The following AGBL3 variants were observed in gnomAD, a reference collection of about 807,000 sequenced individuals.
The protein encoded by AGBL3 is AGBL carboxypeptidase 3, also known as cytosolic carboxypeptidase 3.
A neutral mutation model predicts 94.5 loss-of-function variants in AGBL3; 68 were observed. The ratio of observed to expected loss-of-function variants is 0.72; its 90% CI spans 0.59 to 0.88. The LOEUF is 0.88. Ranked by LOEUF, AGBL3 falls within the 40% of genes least tolerant of loss-of-function variation. AGBL3 has a pLI of 0.00. For missense variants in AGBL3, 934 were observed against 1,103.8 expected (o/e 0.85, Z 2.18); for synonymous variants, 354 against 370.7 (o/e 0.95, Z 0.52).
At chr7:135,076,369 T>C (rs1820450528) in intron 12 of AGBL3, 28 bp from the exon 13 acceptor site, 4 of 1,437,806 alleles carry the variant, frequency 2.8e-6, no homozygotes, top group South Asian at 2.5e-5. Flanking sequence ...TGATTAAATA[T>C]TGATTTTAAG....
chr7:135,042,635 C>T (rs1816964593), intron 8 of AGBL3, among the ~76,000 whole-genome samples: 1 of 152,048 alleles, frequency 6.6e-6, no homozygotes, highest in African/African-American at 2.4e-5. Context: ...TGAGGCTGGG[C>T]ACAGTGGCCC....
intron 11 of AGBL3, among the ~76,000 whole-genome samples, chr7:135,056,274 T>G (rs186333895): frequency 2.2e-3 from 329 of 152,234 alleles, no homozygotes; most frequent in African/African-American, 7.3e-3. Flanking sequence ...ACTTCTTTTT[T>G]TCTGCTTGCA....
intron 12 of AGBL3, among the ~76,000 whole-genome samples, chr7:135,067,564 C>G (rs1240871504): frequency 6.6e-6 from 1 of 152,208 alleles, no homozygotes; most frequent in East Asian, 1.9e-4. Context: ...AATCAGGCAG[C>G]AGCATTTGCT....
At chr7:135,039,078 A>G (rs947363870) in intron 8 of AGBL3, among the ~76,000 whole-genome samples, 1 of 152,248 alleles carries the variant, frequency 6.6e-6, no homozygotes, top group Non-Finnish European at 1.5e-5. Flanking sequence ...ACTGGATTTG[A>G]CATTTATAGG....
At position 135,034,303 on chromosome 7, in the gene AGBL3, G is replaced by C. The variant is rs769446728; in HGVS notation, c.712G>C (p.Gly238Arg). ...CAAACCTGCTAGTCTTTACAGTCGG[G>C]GTATGCGCCCACTGTTCTATTCTGA... is the stretch of plus-strand genomic sequence containing the variant. ...FTKPASLYSR[G>R]MRPLFYSEKE... is the part of the protein sequence containing the mutation. The change falls in exon 7 of 17, where the codon GGT (glycine) becomes CGT (arginine). Residue 238 changes from glycine (G) to arginine (R), a missense_variant. Transcript: ENST00000436302. 6.4e-7 allele frequency: 1 copy of C among 1,551,688 alleles called. No homozygotes were observed. The highest frequency in any genetic ancestry group is 1.2e-5 in the South Asian group (1 of 84,058).
rs910890257 is a variant in AGBL3 at position 135,077,137 on chromosome 7, A to G, written c.1980+669A>G. Reference sequence around the variant, plus strand: ...CTCTCCCCAGAGCTACCAAAGGGCTATCCCAGGAGGGGGAGGATATCAGTA... The same window carrying G: ...CTCTCCCCAGAGCTACCAAAGGGCTGTCCCAGGAGGGGGAGGATATCAGTA... On this transcript the variant is annotated intron_variant, in intron 13 of 16. Transcript: ENST00000436302. Among the ~76,000 whole-genome samples the G allele has an allele frequency of 5.3e-5, 8 of 151,362 alleles. 1 individual carries two copies. The highest frequency in any genetic ancestry group is 1.9e-4 in the African/African-American group (8 of 41,208).
chr7:135,051,885 T>C (rs1253220131), intron 11 of AGBL3, among the ~76,000 whole-genome samples: 1 of 152,138 alleles, frequency 6.6e-6, no homozygotes, highest in Non-Finnish European at 1.5e-5. Flanking sequence ...TTAAGCTTAG[T>C]ATAAAGTATT....
At chr7:135,093,320 T>C (rs1822148514) in intron 15 of AGBL3, 1 of 151,956 alleles carries the variant, frequency 6.6e-6, no homozygotes, top group African/African-American at 2.4e-5. Flanking sequence ...CACGCCACAC[T>C]ATTAGCACTA....
intron 15 of AGBL3, among the ~76,000 whole-genome samples, chr7:135,096,792 A>AAAGAAAGG (rs1458228094): frequency 4.0e-5 from 6 of 151,734 alleles, no homozygotes; most frequent in South Asian, 4.2e-4. Context: ...AGAAAGAAAG[A>AAAGAAAGG]AAAAGGGAAG....
chr7:135,128,443 A>C (rs1308693539), intron 16 of AGBL3: 1 of 715,416 alleles, frequency 1.4e-6, no homozygotes, highest in Non-Finnish European at 2.6e-6. Flanking sequence ...AGAAAATTAA[A>C]TGTCAGAAGA....
Position 135,115,376 on chromosome 7 carries a change from C to T in AGBL3, c.2111-4C>T. ...CTGTACATATTTTTGTGGTTGCTCC[C>T]CAGATCTGCACCACAACTTAAAAAG... On this transcript the variant is annotated splice_region_variant and splice_polypyrimidine_tract_variant and intron_variant, in intron 15 of 16. Coordinates refer to ENST00000436302, the MANE Select transcript of AGBL3 (RefSeq NM_178563.4). 1 of 1,543,958 alleles carries T rather than the reference C, an allele frequency of 6.5e-7. No individual in the cohort carries two copies. The highest frequency in any genetic ancestry group is 8.8e-7 in the Non-Finnish European group (1 of 1,141,590).
At chr7:134,995,495 G>T (rs1344512430) in intron 4 of AGBL3, 2 of 152,186 alleles carry the variant, frequency 1.3e-5, no homozygotes, top group Admixed American at 1.3e-4. Context: ...TGGTTGCTTG[G>T]TAATCCCCCA....
intron 15 of AGBL3, among the ~76,000 whole-genome samples, chr7:135,111,699 C>A (rs1043959503): frequency 3.3e-5 from 5 of 152,126 alleles, no homozygotes; most frequent in African/African-American, 1.2e-4. Flanking sequence ...ATTCATGAAA[C>A]GTGTTGAAAT....
Position 135,017,032 on chromosome 7 carries a change from T to C in AGBL3, c.311-20T>C. ...TTATTTTGAAGTCATCTTCAAATAATGTTTCACTTTTTTTTCCAGATTGGA... is the reference window on the plus strand; with the variant it reads ...TTATTTTGAAGTCATCTTCAAATAACGTTTCACTTTTTTTTCCAGATTGGA... On this transcript the variant is annotated intron_variant, in intron 4 of 16. Coordinates refer to ENST00000436302, the MANE Select transcript of AGBL3 (RefSeq NM_178563.4). 2 of 1,425,796 alleles carry C rather than the reference T, an allele frequency of 1.4e-6. No homozygotes were observed. Among genetic ancestry groups the C allele is most frequent in the Non-Finnish European group, 1.9e-6 (2 of 1,036,422 alleles). 88.3% of individuals were successfully genotyped at this position (1,425,796 alleles called of 1,614,324 possible). A position where few individuals can be genotyped will look rare whatever the true frequency, so the allele number is the denominator to read the frequency against.
rs1303625197 is a variant in AGBL3, at chr7:135,020,737, T to C, written c.418+3578T>C. Among the ~76,000 whole-genome samples, 4 of 151,832 alleles carry C rather than the reference T, an allele frequency of 2.6e-5. 1 individual carries two copies. The highest frequency in any genetic ancestry group is 9.7e-5 in the African/African-American group (4 of 41,320). On this transcript the variant is annotated intron_variant, in intron 5 of 16. Transcript: ENST00000436302. The stretch of plus-strand genomic sequence containing the variant: ...CAGAATACTATGCGGCCATAAAAAA[T>C]GATGAGTTCATGTCCCTTGTAGGGA...
chr7:135,054,269 C>T (rs188267582), intron 11 of AGBL3, among the ~76,000 whole-genome samples: 64 of 152,292 alleles, frequency 4.2e-4, no homozygotes, highest in African/African-American at 1.5e-3. Flanking sequence ...TTTATAAGCA[C>T]CTTGTAGCTG....
chr7:135,063,824 A>C (rs1819047183), intron 12 of AGBL3, among the ~76,000 whole-genome samples: 3 of 152,164 alleles, frequency 2.0e-5, no homozygotes, highest in Non-Finnish European at 4.4e-5. Flanking sequence ...AATGCATAAC[A>C]CCCTCAGACT....
At chr7:135,026,625 T>C (rs1815174313) in intron 5 of AGBL3, among the ~76,000 whole-genome samples, 1 of 151,690 alleles carries the variant, frequency 6.6e-6, no homozygotes. Context: ...CATTACATCA[T>C]GTCTTTATGT....
chr7:135,101,844 C>T (rs1454445607), intron 15 of AGBL3, among the ~76,000 whole-genome samples: 2 of 152,192 alleles, frequency 1.3e-5, no homozygotes, highest in Admixed American at 1.3e-4. Context: ...ATAATTCCCA[C>T]ATGTTGTGGG....
Sources: allele counts gnomAD v4.1 joint callset (sites outside exome capture counted in the v4.1 genomes callset), GRCh38; gene constraint gnomAD v4.1.1; transcripts MANE v1.5; gene names NCBI Gene and HGNC (gene_info 2026-07-23, HGNC 2026-07-21).